Variants in GPM6A observed in about 807,000 individuals in gnomAD.
The protein encoded by GPM6A is neuronal membrane glycoprotein M6-a.
Under a neutral mutation model 32.1 loss-of-function variants are expected in GPM6A, and 7 were observed. The observed-to-expected ratio is 0.22, with a 90% confidence interval of 0.12 to 0.41. The LOEUF (loss-of-function observed/expected upper bound fraction) is 0.41, where lower values mean the gene tolerates loss of function less well. Among genes scored for constraint, GPM6A ranks in the 10% least tolerant of loss-of-function variants. The pLI is 1.00. For synonymous variants in GPM6A, 130 were observed against 123.4 expected, an observed-to-expected ratio of 1.05 and a Z score of -0.35; for missense variants, 235 against 347.2, an observed-to-expected ratio of 0.68 and a Z score of 2.57.
intron 1 of GPM6A, among the ~76,000 whole-genome samples, chr4:175,948,958 AGTGTGTGTGT>A (rs34417872): frequency 3.5e-5 from 5 of 144,814 alleles, no homozygotes; most frequent in African/African-American, 5.0e-5. Flanking sequence ...TTTGGTGGTA[AGTGTGTGTGT>A]GTGTGTGTGT....
intron 1 of GPM6A, chr4:175,811,970 A>G: frequency 2.2e-6 from 1 of 464,068 alleles, no homozygotes. Context: ...TCTCACTAAT[A>G]CTCGACTCTG....
chr4:175,749,817 A>G (rs1358210844), intron 1 of GPM6A, among the ~76,000 whole-genome samples: 2 of 152,168 alleles, frequency 1.3e-5, no homozygotes, highest in African/African-American at 4.8e-5. Context: ...GAACTATTTT[A>G]TGACAACTTC....
rs1022591567 is a variant in GPM6A at position 175,640,362 on chromosome 4, C to A, written c.619-168G>T. On this transcript the variant is annotated intron_variant, in intron 5 of 6. Coordinates refer to ENST00000393658, the MANE Select transcript of GPM6A (RefSeq NM_201591.3). ...GATTATTACAATATATTTTCCCCTG[C>A]AAATCATTTAAATCCTTTCAACTTC... Among the ~76,000 whole-genome samples the A allele has an allele frequency of 2.6e-5, 4 of 152,136 alleles. No homozygotes were observed. The East Asian group carries it at 7.7e-4, about 29-fold the overall frequency.
At chr4:175,992,477 C>T (rs537260783) in intron 1 of GPM6A, among the ~76,000 whole-genome samples, 74 of 152,252 alleles carry the variant, frequency 4.9e-4, no homozygotes, top group African/African-American at 1.5e-3. Flanking sequence ...ATGGGAGCAT[C>T]ATCTTCATAA....
At chr4:175,824,315 G>A (rs1735365191) in intron 1 of GPM6A, among the ~76,000 whole-genome samples, 1 of 152,140 alleles carries the variant, frequency 6.6e-6, no homozygotes, top group South Asian at 2.1e-4. Context: ...TTGTGCGGCA[G>A]ACACACACCC....
chr4:175,707,017 C>A (rs1745231016), intron 1 of GPM6A, among the ~76,000 whole-genome samples: 1 of 152,176 alleles, frequency 6.6e-6, no homozygotes, highest in African/African-American at 2.4e-5. Context: ...CCTACATGGT[C>A]TAAAAAGGGG....
At chr4:175,669,444 T>A (rs1450386066) in intron 3 of GPM6A, among the ~76,000 whole-genome samples, 1 of 152,152 alleles carries the variant, frequency 6.6e-6, no homozygotes, top group Non-Finnish European at 1.5e-5. Context: ...AACTTACCAG[T>A]TGAACATCCC....
At chr4:175,976,876 A>G (rs1270989265) in intron 1 of GPM6A, among the ~76,000 whole-genome samples, 3 of 152,250 alleles carry the variant, frequency 2.0e-5, no homozygotes, top group Non-Finnish European at 4.4e-5. Flanking sequence ...AGATTTAAGC[A>G]TAAAAGGACA....
chr4:175,716,029 C>T (rs1175115810), intron 1 of GPM6A, among the ~76,000 whole-genome samples: 1 of 152,188 alleles, frequency 6.6e-6, no homozygotes, highest in Non-Finnish European at 1.5e-5. Flanking sequence ...CACACCACTG[C>T]ACTCCAGACT....
chr4:175,977,200 A>G (rs1740688922), intron 1 of GPM6A, among the ~76,000 whole-genome samples: 1 of 152,244 alleles, frequency 6.6e-6, no homozygotes, highest in South Asian at 2.1e-4. Context: ...ACATGACTGT[A>G]AAGTAGCCAG....
intron 1 of GPM6A, among the ~76,000 whole-genome samples, chr4:175,730,499 C>T (rs1731372570): frequency 1.4e-5 from 2 of 147,540 alleles, no homozygotes. Flanking sequence ...GAGAGGGAGT[C>T]TCGCTCTGTC....
intron 1 of GPM6A, among the ~76,000 whole-genome samples, chr4:175,735,294 A>G (rs1483769452): frequency 6.6e-6 from 1 of 152,196 alleles, no homozygotes; most frequent in Admixed American, 6.5e-5. Flanking sequence ...CGTCATATAA[A>G]GAGAAAACTG....
chr4:175,756,718 G>A (rs377165330), intron 1 of GPM6A, among the ~76,000 whole-genome samples: 12 of 152,102 alleles, frequency 7.9e-5, no homozygotes, highest in South Asian at 2.1e-4. Flanking sequence ...ACCTGTACAC[G>A]GTGGAATAAA....
chr4:175,972,996 T>C (rs762937741), intron 1 of GPM6A, among the ~76,000 whole-genome samples: 13 of 152,188 alleles, frequency 8.5e-5, no homozygotes, highest in African/African-American at 1.9e-4. Flanking sequence ...TCTATGTCCA[T>C]TGATAATCTC....
intron 1 of GPM6A, among the ~76,000 whole-genome samples, chr4:175,768,815 G>A (rs1360404032): frequency 2.0e-5 from 3 of 152,146 alleles, no homozygotes; most frequent in Non-Finnish European, 2.9e-5. Flanking sequence ...TACTATCCTG[G>A]CCGGGTACGG....
intron 1 of GPM6A, among the ~76,000 whole-genome samples, chr4:175,953,512 T>A (rs1313784467): frequency 1.3e-5 from 2 of 152,218 alleles, no homozygotes; most frequent in African/African-American, 4.8e-5. Context: ...CATGTCATTA[T>A]TTTTAGTTAA....
chr4:175,851,241 C>T (rs952608151), intron 1 of GPM6A, among the ~76,000 whole-genome samples: 2 of 152,064 alleles, frequency 1.3e-5, no homozygotes, highest in Admixed American at 1.3e-4. Context: ...CCTGTAATCC[C>T]TTTGAGAGGC....
At chr4:175,663,784 C>T (rs1742573022) in intron 3 of GPM6A, among the ~76,000 whole-genome samples, 1 of 150,784 alleles carries the variant, frequency 6.6e-6, no homozygotes, top group South Asian at 2.1e-4. Context: ...AGCTCCACGT[C>T]CTGGGTTCAC....
intron 1 of GPM6A, among the ~76,000 whole-genome samples, chr4:175,904,210 C>A (rs1449115474): frequency 6.6e-5 from 10 of 151,964 alleles, no homozygotes; most frequent in African/African-American, 2.2e-4. Context: ...CTATTTACAA[C>A]CCATATTTAT....
Sources: gnomAD v4.1 joint callset for allele counts (sites outside exome capture counted in the v4.1 genomes callset) on GRCh38, gnomAD v4.1.1 for gene constraint, MANE v1.5 for transcripts, NCBI Gene and HGNC (gene_info 2026-07-23, HGNC 2026-07-21) for gene names.